Variants in ANKRD11 observed in about 807,000 individuals in gnomAD.
The protein encoded by ANKRD11 is ankyrin repeat domain 11.
ANKRD11 carries 17 observed loss-of-function variants against 195.7 expected under a neutral mutation model. That is an observed-to-expected ratio of 0.09 (90% confidence interval 0.06 to 0.13). The LOEUF is 0.13. ANKRD11 is among the 10% of genes least tolerant of loss of function. ANKRD11 has a pLI of 1.00. For synonymous variants in ANKRD11, 1,953 were observed against 1,528.1 expected (o/e 1.28, Z -6.49); for missense variants, 3,735 against 3,566.1 (o/e 1.05, Z -1.21).
intron 1 of ANKRD11, among the ~76,000 whole-genome samples, chr16:89,455,328 G>C (rs2056385134): frequency 6.6e-6 from 1 of 152,046 alleles, no homozygotes; most frequent in Non-Finnish European, 1.5e-5. Flanking sequence ...GGTTCCTCAA[G>C]CTGCTCCCAT....
chr16:89,305,850 C>A (rs191542548), intron 3 of ANKRD11, among the ~76,000 whole-genome samples: 2 of 111,056 alleles, frequency 1.8e-5, no homozygotes, highest in African/African-American at 7.5e-5. Flanking sequence ...ACACGCACCA[C>A]CTCCCACTCC....
chr16:89,390,231 G>A (rs1302097449), intron 2 of ANKRD11, among the ~76,000 whole-genome samples: 9 of 129,772 alleles, frequency 6.9e-5, no homozygotes, highest in African/African-American at 1.4e-4. Context: ...GGGGAGCACC[G>A]AGAGAGAAGA....
At chr16:89,484,055 G>C (rs570532866) in intron 1 of ANKRD11, among the ~76,000 whole-genome samples, 248 of 152,180 alleles carry the variant, frequency 1.6e-3, no homozygotes, top group African/African-American at 5.7e-3. Context: ...ACAAGCTCTC[G>C]AGACGCTCTT....
intron 2 of ANKRD11, among the ~76,000 whole-genome samples, chr16:89,351,623 G>T (rs2039223500): frequency 6.6e-6 from 1 of 152,170 alleles, no homozygotes; most frequent in African/African-American, 2.4e-5. Context: ...ATGCTGCTGT[G>T]GGCACTGCAG....
At chr16:89,398,851 G>A (rs1039658279) in intron 2 of ANKRD11, among the ~76,000 whole-genome samples, 3 of 152,228 alleles carry the variant, frequency 2.0e-5, no homozygotes, top group African/African-American at 7.2e-5. Context: ...GTGCTTTCTG[G>A]CCCAGGAGTA....
chr16:89,367,993 G>T (rs1478692461), intron 2 of ANKRD11, among the ~76,000 whole-genome samples: 2 of 152,042 alleles, frequency 1.3e-5, no homozygotes, highest in African/African-American at 4.8e-5. Flanking sequence ...GACAGAACAA[G>T]ACTCACTCTC....
At chr16:89,454,117 A>C (rs944471015) in intron 1 of ANKRD11, among the ~76,000 whole-genome samples, 2 of 151,494 alleles carry the variant, frequency 1.3e-5, no homozygotes, top group African/African-American at 4.9e-5. Flanking sequence ...GCTTCACAAC[A>C]CCCCCTGGCA....
In ANKRD11 at chr16:89,388,320, C is replaced by T. The variant is rs543180921; in HGVS notation, c.-60+29964G>A. ...TTTTTTTTTTTTTTTTTTTTTGAGA[C>T]GGAGTCTTGCTCTGTTGGTCAGGCT... On this transcript the variant is annotated intron_variant, in intron 2 of 12. Transcript: ENST00000301030. Among the ~76,000 whole-genome samples, 10 of 34,196 alleles carry T rather than the reference C, an allele frequency of 2.9e-4. 1 individual carries two copies. The South Asian group carries it at 3.5e-3, about 12-fold the overall frequency. 22.4% of individuals were successfully genotyped at this position (34,196 alleles called of 152,430 possible). A position where few individuals can be genotyped will look rare whatever the true frequency, so the allele number is the denominator to read the frequency against.
At chr16:89,457,624 A>C (rs573740424) in intron 1 of ANKRD11, among the ~76,000 whole-genome samples, 1 of 151,674 alleles carries the variant, frequency 6.6e-6, no homozygotes, top group South Asian at 2.1e-4. Context: ...CATTCATATG[A>C]AATTCTAAAA....
At position 89,285,207 on chromosome 16, in the gene ANKRD11, G is replaced by C; in HGVS notation, c.1335C>G (p.Ala445=). 6.2e-7 allele frequency: 1 copy of C among 1,613,572 alleles called. No homozygotes were observed. Among genetic ancestry groups the C allele is most frequent in the East Asian group, 2.2e-5 (1 of 44,878 alleles). The change falls in exon 9 of 13, where the codon GCC becomes GCG. Residue 445 remains alanine (A), a synonymous_variant. Coordinates refer to ENST00000301030, the MANE Select transcript of ANKRD11 (RefSeq NM_013275.6). This position sits in a 1 kb window ranked among gnomAD's most constrained non-coding sequence, Gnocchi z 5.6. ...CTTTATTTTTTTCCTTCTGCTGCTT[G>C]GCATTAGAAGGCTCTCGTGTCTTAC... is the stretch of plus-strand genomic sequence containing the variant. ...PGSKTREPSN[A]KQQKEKNKVK... is the part of the protein sequence containing the mutation.
Position 89,485,421 on chromosome 16 carries a change from G to C in ANKRD11, c.-145+4824C>G, listed in dbSNP as rs138328789. 4.4e-3 allele frequency among the ~76,000 whole-genome samples: 677 copies of C among 152,170 alleles called. 3 individuals are homozygous for C. The highest frequency in any genetic ancestry group is 0.016 in the African/African-American group (657 of 41,502). On this transcript the variant is annotated intron_variant, in intron 1 of 12. Coordinates refer to ENST00000301030, the MANE Select transcript of ANKRD11 (RefSeq NM_013275.6). ...AGGCAGAAGAATCACTTGAATCCGGGAGGCAGAGGTTGCTATGACCCAAGA... is the reference window on the plus strand; with the variant it reads ...AGGCAGAAGAATCACTTGAATCCGGCAGGCAGAGGTTGCTATGACCCAAGA...
At chr16:89,451,079 T>G (rs2044049249) in intron 1 of ANKRD11, among the ~76,000 whole-genome samples, 1 of 152,280 alleles carries the variant, frequency 6.6e-6, no homozygotes, top group African/African-American at 2.4e-5. Flanking sequence ...ATGGCAAAGT[T>G]AAGTAGTTTC....
chr16:89,395,317 G>A (rs903502073), intron 2 of ANKRD11, among the ~76,000 whole-genome samples: 6 of 152,234 alleles, frequency 3.9e-5, no homozygotes, highest in Non-Finnish European at 8.8e-5. Flanking sequence ...GTAATCCTGG[G>A]AGCAGCGTCG....
In ANKRD11 at chr16:89,281,873, G is replaced by A; in HGVS notation, c.4669C>T (p.Pro1557Ser). ...KMSNGNDKVA[P>S]SKDPGKKDAR... ...TCTTTCTTGCCTGGGTCTTTGGATG[G>A]CGCTACCTTATCATTCCCGTTGCTC... The change falls in exon 9 of 13, where the codon CCA becomes TCA. Residue 1557 changes from proline to serine, a missense_variant. Physicochemically the swap from Pro to Ser is moderately conservative, Grantham distance 74. Transcript: ENST00000301030. This position sits in a 1 kb window ranked among gnomAD's most constrained non-coding sequence, Gnocchi z 5.5. 3.7e-6 allele frequency: 6 copies of A among 1,613,902 alleles called. No homozygotes were observed. The highest frequency in any genetic ancestry group is 1.1e-5 in the South Asian group (1 of 91,086).
chr16:89,378,563 G>C (rs2040515341), intron 2 of ANKRD11, among the ~76,000 whole-genome samples: 1 of 152,310 alleles, frequency 6.6e-6, no homozygotes, highest in Non-Finnish European at 1.5e-5. Context: ...AGATACAGCA[G>C]GCTGGAAATA....
At chr16:89,278,999 G>GA in intron 9 of ANKRD11, 73 bp downstream of exon 9, 1 of 1,585,720 alleles carries the variant, frequency 6.3e-7, no homozygotes, top group Non-Finnish European at 8.6e-7. Flanking sequence ...ACGGGCTGGA[G>GA]GAAGCCGTGA....
intron 2 of ANKRD11, chr16:89,320,198 C>G (rs1275987753): frequency 2.0e-5 from 3 of 152,244 alleles, no homozygotes; most frequent in African/African-American, 7.2e-5. Flanking sequence ...CCTCTTTAGA[C>G]AGTTCCGCAG....
At chr16:89,382,310 G>A (rs556725436) in intron 2 of ANKRD11, among the ~76,000 whole-genome samples, 121 of 145,610 alleles carry the variant, frequency 8.3e-4, no homozygotes, top group African/African-American at 2.9e-3. Context: ...CCAGGCACCC[G>A]AAGTCTAGAA....
At chr16:89,490,025 C>T (rs866870121) in intron 1 of ANKRD11, among the ~76,000 whole-genome samples, 153 of 148,274 alleles carry the variant, frequency 1.0e-3, no homozygotes, top group South Asian at 4.0e-3. Context: ...CCCCGGCTGC[C>T]CCGAACCCGG....
Sources: allele counts gnomAD v4.1 joint callset (sites outside exome capture counted in the v4.1 genomes callset), GRCh38; gene constraint gnomAD v4.1.1; non-coding constraint Gnocchi (gnomAD v3.1); transcripts MANE v1.5; gene names NCBI Gene and HGNC (gene_info 2026-07-23, HGNC 2026-07-21).